DLGAP1: variants seen among roughly 807,000 people sequenced by gnomAD.
DLGAP1 encodes disks large-associated protein 1.
In DLGAP1, 11 loss-of-function variants were observed where a neutral mutation model predicts 90.8. That is an observed-to-expected ratio of 0.12 (90% confidence interval 0.08 to 0.20). DLGAP1 has a LOEUF of 0.20. Ranked by LOEUF, DLGAP1 falls within the 10% of genes least tolerant of loss-of-function variation. The pLI is 1.00. For synonymous variants in DLGAP1, 558 were observed against 540.7 expected (o/e 1.03, Z -0.44); for missense variants, 1,050 against 1,333.8 (o/e 0.79, Z 3.31).
chr18:3,542,188 G>T (rs747207614), intron 9 of DLGAP1, among the ~76,000 whole-genome samples: 5 of 152,198 alleles, frequency 3.3e-5, no homozygotes, highest in Non-Finnish European at 1.5e-5. Flanking sequence ...AGATCAGAAA[G>T]AGCAGAAACT....
intron 3 of DLGAP1, among the ~76,000 whole-genome samples, chr18:3,909,465 G>A (rs1322448816): frequency 3.3e-5 from 5 of 152,118 alleles, no homozygotes; most frequent in South Asian, 2.1e-4. Context: ...AAAAGGGACC[G>A]ACTGTCTAGT....
chr18:3,771,284 C>G (rs1181110727), intron 5 of DLGAP1: 1 of 152,404 alleles, frequency 6.6e-6, no homozygotes, highest in African/African-American at 2.4e-5. Flanking sequence ...ACCCCTGGGT[C>G]TTGTTCTTCC....
In DLGAP1 at chr18:3,496,045, T is replaced by C. The variant is rs2049687971; in HGVS notation, c.*3140A>G. 6.6e-6 allele frequency: 1 copy of C among 152,238 alleles called. No individual in the cohort carries two copies. Among genetic ancestry groups the C allele is most frequent in the African/African-American group, 2.4e-5 (1 of 41,460 alleles). 9.4% of individuals were successfully genotyped at this position (152,238 alleles called of 1,614,324 possible). A position where few individuals can be genotyped will look rare whatever the true frequency, so the allele number is the denominator to read the frequency against. Reference sequence around the variant, plus strand: ...CACAGACCTGAAAGCAGTGCATTAATTATTTTATTAATTTCTTCTTTTTAC... The same window carrying C: ...CACAGACCTGAAAGCAGTGCATTAACTATTTTATTAATTTCTTCTTTTTAC... On this transcript the variant is annotated 3_prime_UTR_variant, in exon 13 of 13. Transcript: ENST00000315677.
At chr18:3,903,732 T>C (rs2071835074) in intron 3 of DLGAP1, among the ~76,000 whole-genome samples, 1 of 152,204 alleles carries the variant, frequency 6.6e-6, no homozygotes, top group Non-Finnish European at 1.5e-5. Context: ...GACCATTCCT[T>C]TCAGGGGGAA....
At chr18:3,574,269 T>G (rs950621754) in intron 8 of DLGAP1, among the ~76,000 whole-genome samples, 1 of 152,258 alleles carries the variant, frequency 6.6e-6, no homozygotes, top group Non-Finnish European at 1.5e-5. Flanking sequence ...CTTTTGAATC[T>G]GTTGTTCTTT....
chr18:3,994,464 CT>C (rs2074029531), intron 3 of DLGAP1, among the ~76,000 whole-genome samples: 1 of 152,212 alleles, frequency 6.6e-6, no homozygotes, highest in African/African-American at 2.4e-5. Context: ...CCTCAACTCT[CT>C]TAATGGGATT....
intron 5 of DLGAP1, among the ~76,000 whole-genome samples, chr18:3,772,167 T>TC (rs2148019410): frequency 8.4e-6 from 1 of 118,780 alleles, no homozygotes; most frequent in East Asian, 2.2e-4. Context: ...TTTCTTTCTC[T>TC]CCTTCCTTTC....
intron 7 of DLGAP1, among the ~76,000 whole-genome samples, chr18:3,647,789 A>T (rs1724709531): frequency 6.6e-6 from 1 of 152,122 alleles, no homozygotes; most frequent in Non-Finnish European, 1.5e-5. Context: ...AATCAACTGG[A>T]GTGCTAAGTA....
At chr18:4,236,692 T>A (rs988712603) in intron 1 of DLGAP1, among the ~76,000 whole-genome samples, 2 of 151,990 alleles carry the variant, frequency 1.3e-5, no homozygotes, top group East Asian at 3.8e-4. Context: ...CTTTCACTGA[T>A]ATTTATCTTA....
At chr18:4,248,967 C>A (rs1397439973) in intron 1 of DLGAP1, among the ~76,000 whole-genome samples, 1 of 152,200 alleles carries the variant, frequency 6.6e-6, no homozygotes, top group African/African-American at 2.4e-5. Flanking sequence ...TATGTGCTGC[C>A]TTTGCCTGGA....
In DLGAP1 at chr18:3,784,147, A is replaced by ATGT. The variant is rs111704591; in HGVS notation, c.1172+29909_1172+29911dup. Among the ~76,000 whole-genome samples the ATGT allele has an allele frequency of 5.3e-3, 809 of 152,222 alleles. 13 individuals are homozygous for ATGT. Among genetic ancestry groups the ATGT allele is most frequent in the African/African-American group, 0.019 (784 of 41,524 alleles). ...AAAGAAACAAATTGTGTTTGTGTGT[A>ATGT]TGTTTGCAAATCCATGTGTAAGTGG... On this transcript the variant is annotated intron_variant, in intron 5 of 12. Coordinates refer to ENST00000315677, the MANE Select transcript of DLGAP1 (RefSeq NM_004746.4).
chr18:3,764,951 G>T (rs981544173), intron 5 of DLGAP1, among the ~76,000 whole-genome samples: 1 of 151,998 alleles, frequency 6.6e-6, no homozygotes, highest in African/African-American at 2.4e-5. Flanking sequence ...AAGAACAGGG[G>T]TGAGAAAAGC....
chr18:4,325,820 T>A (rs1347789531), intron 1 of DLGAP1, among the ~76,000 whole-genome samples: 1 of 152,154 alleles, frequency 6.6e-6, no homozygotes, highest in African/African-American at 2.4e-5. Flanking sequence ...TGCATTAGAT[T>A]GAAACTGAAC....
intron 2 of DLGAP1, among the ~76,000 whole-genome samples, chr18:4,133,676 G>A (rs1568414061): frequency 6.6e-6 from 1 of 152,144 alleles, no homozygotes; most frequent in South Asian, 2.1e-4. Flanking sequence ...TGTAAAATGG[G>A]TTATAGGAAT....
At chr18:4,279,859 A>G (rs533209494) in intron 1 of DLGAP1, among the ~76,000 whole-genome samples, 2 of 152,172 alleles carry the variant, frequency 1.3e-5, no homozygotes, top group African/African-American at 4.8e-5. Context: ...AACTAATTTT[A>G]TTGATGTTAT....
At chr18:3,837,769 T>C (rs941333235) in intron 4 of DLGAP1, among the ~76,000 whole-genome samples, 1 of 142,212 alleles carries the variant, frequency 7.0e-6, no homozygotes, top group Admixed American at 7.7e-5. Flanking sequence ...CGAGAATTGC[T>C]TGAACCTGGG....
intron 5 of DLGAP1, among the ~76,000 whole-genome samples, chr18:3,805,890 C>A (rs945097019): frequency 2.2e-4 from 33 of 152,306 alleles, no homozygotes; most frequent in Non-Finnish European, 4.3e-4. Flanking sequence ...CTTAGAAGTT[C>A]CTCCTTGCAG....
chr18:3,863,796 C>G (rs961266940), intron 4 of DLGAP1, among the ~76,000 whole-genome samples: 11 of 152,254 alleles, frequency 7.2e-5, no homozygotes, highest in Non-Finnish European at 1.3e-4. Context: ...CCTGCAACCT[C>G]CCAGGCCCCT....
At chr18:4,010,311 A>G (rs1222503649) in intron 2 of DLGAP1, among the ~76,000 whole-genome samples, 2 of 151,932 alleles carry the variant, frequency 1.3e-5, no homozygotes, top group Non-Finnish European at 2.9e-5. Context: ...TTGGGAAGCC[A>G]AGGCAGGAGG....
Sources: gnomAD v4.1 joint callset for allele counts (sites outside exome capture counted in the v4.1 genomes callset) on GRCh38, gnomAD v4.1.1 for gene constraint, MANE v1.5 for transcripts, NCBI Gene and HGNC (gene_info 2026-07-23, HGNC 2026-07-21) for gene names.